Variants in ATE1 observed in about 807,000 individuals in gnomAD.
The protein encoded by ATE1 is arginyl-tRNA--protein transferase 1.
A neutral mutation model predicts 70.5 loss-of-function variants in ATE1; 36 were observed. The ratio of observed to expected loss-of-function variants is 0.51; its 90% CI spans 0.39 to 0.67. The LOEUF (loss-of-function observed/expected upper bound fraction) is 0.67, where lower values mean the gene tolerates loss of function less well. Ranked by LOEUF, ATE1 falls within the 30% of genes least tolerant of loss-of-function variation. The pLI is 0.00. For missense variants in ATE1, 593 were observed against 629.5 expected (o/e 0.94, Z 0.62); for synonymous variants, 232 against 219.3 (o/e 1.06, Z -0.51).
At chr10:121,912,041 C>T (rs190345175) in intron 4 of ATE1, among the ~76,000 whole-genome samples, 20 of 152,070 alleles carry the variant, frequency 1.3e-4, no homozygotes, top group African/African-American at 1.9e-4. Flanking sequence ...CCACCATGCC[C>T]GGCCAAGCCC....
intron 11 of ATE1, among the ~76,000 whole-genome samples, chr10:121,774,353 C>G (rs1048720944): frequency 1.3e-5 from 2 of 152,086 alleles, no homozygotes; most frequent in African/African-American, 2.4e-5. Context: ...CCCCTCCTCC[C>G]CAATACTCTC....
intron 10 of ATE1, among the ~76,000 whole-genome samples, chr10:121,818,944 A>AT (rs1750132403): frequency 6.6e-6 from 1 of 152,182 alleles, no homozygotes. Context: ...TACTGATACC[A>AT]TTTTTTTAAA....
upstream of ATE1, chr10:121,928,348 G>T: frequency 6.5e-7 from 1 of 1,529,050 alleles, no homozygotes; most frequent in Non-Finnish European, 8.8e-7. Context: ...AACACTCACC[G>T]CAGGACGCTT....
intron 10 of ATE1, among the ~76,000 whole-genome samples, chr10:121,798,155 T>C (rs944426514): frequency 6.6e-6 from 1 of 152,248 alleles, no homozygotes; most frequent in African/African-American, 2.4e-5. Flanking sequence ...TTTGTATTTA[T>C]GATGTGGCTC....
At chr10:121,772,782 A>G (rs534492076) in intron 11 of ATE1, among the ~76,000 whole-genome samples, 1 of 152,372 alleles carries the variant, frequency 6.6e-6, no homozygotes, top group African/African-American at 2.4e-5. Flanking sequence ...CTTTTGAGAT[A>G]GCCATGAACT....
Position 121,785,639 on chromosome 10 carries a change from T to C in ATE1, c.1378+4530A>G, listed in dbSNP as rs978322916. 3.9e-5 allele frequency among the ~76,000 whole-genome samples: 6 copies of C among 152,068 alleles called. No individual in the cohort carries two copies. In the East Asian group the frequency reaches 1.2e-3, roughly 29 times the overall value. On this transcript the variant is annotated intron_variant, in intron 11 of 11. Transcript: ENST00000224652. ...AGGCCTTTAAACAGCAAAAACACAA[T>C]ATAGATTAGAACCTCAGAGTTTCTG...
At chr10:121,813,916 C>A (rs941153016) in intron 10 of ATE1, among the ~76,000 whole-genome samples, 3 of 152,136 alleles carry the variant, frequency 2.0e-5, no homozygotes, top group African/African-American at 4.8e-5. Flanking sequence ...TGGCTGTGTA[C>A]AAAAGTCTGC....
At chr10:121,822,833 C>T (rs1023331143) in intron 10 of ATE1, among the ~76,000 whole-genome samples, 1 of 152,174 alleles carries the variant, frequency 6.6e-6, no homozygotes, top group Non-Finnish European at 1.5e-5. Context: ...AGGTAAGACA[C>T]AGTTTGCTCA....
chr10:121,926,672 C>T, intron 1 of ATE1: 1 of 956,076 alleles, frequency 1.0e-6, no homozygotes, highest in Non-Finnish European at 1.2e-6. Flanking sequence ...ATATTATAGC[C>T]AAAATACAAA....
At chr10:121,905,564 G>A (rs1951156843) in intron 5 of ATE1, among the ~76,000 whole-genome samples, 1 of 152,092 alleles carries the variant, frequency 6.6e-6, no homozygotes, top group Non-Finnish European at 1.5e-5. Context: ...ATTTCAGGCG[G>A]GGCTCAGTGG....
chr10:121,861,600 C>T (rs1396391345), intron 8 of ATE1, among the ~76,000 whole-genome samples: 3 of 25,202 alleles, frequency 1.2e-4, no homozygotes, highest in East Asian at 1.6e-3. Context: ...TGTGGGGTGG[C>T]GGGAGGGGGG....
At chr10:121,808,987 G>C (rs979861787) in intron 10 of ATE1, among the ~76,000 whole-genome samples, 1 of 152,154 alleles carries the variant, frequency 6.6e-6, no homozygotes, top group Non-Finnish European at 1.5e-5. Flanking sequence ...TAATACATCA[G>C]TTATTTTGAA....
At chr10:121,913,691 C>T (rs11200251) in intron 4 of ATE1, 99 bp downstream of exon 4, 248,803 of 753,452 alleles carry the variant, frequency 0.33, 42,405 homozygotes, top group South Asian at 0.42. Context: ...AGTAGCAGTA[C>T]ATGACTGTAT....
chr10:121,844,219 C>T (rs1231948571), intron 8 of ATE1, among the ~76,000 whole-genome samples: 1 of 152,164 alleles, frequency 6.6e-6, no homozygotes. Context: ...GAGCTAAGAT[C>T]GTGCCACTGC....
At chr10:121,763,920 A>G (rs975070497) in intron 11 of ATE1, among the ~76,000 whole-genome samples, 1 of 152,208 alleles carries the variant, frequency 6.6e-6, no homozygotes, top group Admixed American at 6.5e-5. Context: ...AGGCTGAGGC[A>G]CAAGAATTGC....
At chr10:121,753,744 G>A (rs373144623) in intron 11 of ATE1, among the ~76,000 whole-genome samples, 141 of 152,220 alleles carry the variant, frequency 9.3e-4, no homozygotes, top group African/African-American at 3.1e-3. Context: ...CTATTTCACC[G>A]TTTATCTTTA....
chr10:121,908,782 C>T (rs1951303928), intron 5 of ATE1, among the ~76,000 whole-genome samples: 1 of 152,174 alleles, frequency 6.6e-6, no homozygotes, highest in Admixed American at 6.5e-5. Flanking sequence ...AAGACTTGCC[C>T]CCCTGCCCCA....
intron 10 of ATE1, among the ~76,000 whole-genome samples, chr10:121,833,467 G>A (rs547251325): frequency 6.6e-6 from 1 of 152,296 alleles, no homozygotes; most frequent in East Asian, 1.9e-4. Flanking sequence ...ATGTCAATTA[G>A]ATTCTCATGG....
chr10:121,846,721 TAAATAAATAAA>T (rs1948838438), intron 8 of ATE1: 2 of 114,568 alleles, frequency 1.7e-5, no homozygotes, highest in Non-Finnish European at 4.3e-5. Flanking sequence ...AATAAATAAA[TAAATAAATAAA>T]TAAATAAATA....
Sources: allele counts gnomAD v4.1 joint callset (sites outside exome capture counted in the v4.1 genomes callset), GRCh38; gene constraint gnomAD v4.1.1; transcripts MANE v1.5; gene names NCBI Gene and HGNC (gene_info 2026-07-23, HGNC 2026-07-21).